SUCLG2: variants seen among roughly 807,000 people sequenced by gnomAD.
SUCLG2 encodes the protein succinate-CoA ligase GDP-forming subunit beta.
Under a neutral mutation model 47.9 loss-of-function variants are expected in SUCLG2, and 42 were observed. The observed-to-expected ratio is 0.88, with a 90% CI of 0.69 to 1.14. The LOEUF (loss-of-function observed/expected upper bound fraction) is 1.14. SUCLG2 is among the 50% of genes most tolerant of loss of function. SUCLG2 has a pLI of 0.00. For synonymous variants in SUCLG2, 195 were observed against 197.3 expected, an observed-to-expected ratio of 0.99 and a Z score of 0.10; for missense variants, 571 against 525.9, an observed-to-expected ratio of 1.09 and a Z score of -0.84.
intron 2 of SUCLG2, among the ~76,000 whole-genome samples, chr3:67,542,047 A>AT (rs1345411756): frequency 6.6e-6 from 1 of 151,540 alleles, no homozygotes; most frequent in Admixed American, 6.6e-5. Flanking sequence ...CTAATTTTGT[A>AT]TTTTTTAGTA....
intron 1 of SUCLG2, among the ~76,000 whole-genome samples, chr3:67,633,466 T>C (rs1365919227): frequency 6.6e-6 from 1 of 152,234 alleles, no homozygotes; most frequent in African/African-American, 2.4e-5. Flanking sequence ...AGAGTTATTA[T>C]ACCCTGACTC....
chr3:67,504,457 G>A (rs932161876), intron 7 of SUCLG2, among the ~76,000 whole-genome samples: 8 of 152,292 alleles, frequency 5.3e-5, no homozygotes, highest in Admixed American at 2.0e-4. Context: ...TAATTCTCAC[G>A]GAATCTTAGC....
chr3:67,408,945 T>C, intron 9 of SUCLG2: 1 of 1,533,462 alleles, frequency 6.5e-7, no homozygotes, highest in Non-Finnish European at 8.7e-7. Flanking sequence ...GAGTTCCAGC[T>C]CCATATTGGT....
At chr3:67,419,016 G>A (rs546183052) in intron 9 of SUCLG2, among the ~76,000 whole-genome samples, 34 of 152,130 alleles carry the variant, frequency 2.2e-4, no homozygotes, top group African/African-American at 7.9e-4. Context: ...ACAATGTTAG[G>A]ATCAGAATAC....
intron 9 of SUCLG2, among the ~76,000 whole-genome samples, chr3:67,402,728 A>G (rs1258535714): frequency 2.6e-5 from 4 of 152,224 alleles, no homozygotes; most frequent in African/African-American, 9.6e-5. Flanking sequence ...CATTCTAGTA[A>G]AACACACATT....
intron 10 of SUCLG2, among the ~76,000 whole-genome samples, chr3:67,367,295 C>G (rs1170248428): frequency 6.6e-6 from 1 of 151,816 alleles, no homozygotes; most frequent in Non-Finnish European, 1.5e-5. Context: ...AATATTTATC[C>G]CCCCAAAAAG....
At chr3:67,612,989 T>C (rs1363884445) in intron 1 of SUCLG2, among the ~76,000 whole-genome samples, 1 of 152,086 alleles carries the variant, frequency 6.6e-6, no homozygotes, top group East Asian at 1.9e-4. Flanking sequence ...ATGGAAGAGG[T>C]GTACATAACA....
intron 7 of SUCLG2, 99 bp from the exon 8 acceptor site, chr3:67,498,394 C>T: frequency 7.8e-7 from 1 of 1,287,184 alleles, no homozygotes; most frequent in Non-Finnish European, 1.1e-6. Context: ...AAGTTAAGTA[C>T]TGTCATTTTT....
chr3:67,587,547 A>G (rs563162149), intron 2 of SUCLG2, among the ~76,000 whole-genome samples: 3 of 152,360 alleles, frequency 2.0e-5, no homozygotes, highest in Non-Finnish European at 2.9e-5. Context: ...AGAAGATGCC[A>G]GAAGGACCCT....
intron 2 of SUCLG2, among the ~76,000 whole-genome samples, chr3:67,533,707 G>A (rs994540967): frequency 6.6e-6 from 1 of 152,046 alleles, no homozygotes; most frequent in Non-Finnish European, 1.5e-5. Flanking sequence ...TTTGCGTTAC[G>A]ACTTCAGAAC....
intron 9 of SUCLG2, among the ~76,000 whole-genome samples, chr3:67,459,887 C>T (rs1159980965): frequency 6.6e-6 from 1 of 152,138 alleles, no homozygotes; most frequent in African/African-American, 2.4e-5. Flanking sequence ...GCTGCTGGAG[C>T]CCCTGCCATT....
intron 6 of SUCLG2, among the ~76,000 whole-genome samples, chr3:67,510,123 A>C (rs1029981445): frequency 5.9e-5 from 9 of 152,198 alleles, no homozygotes; most frequent in African/African-American, 2.2e-4. Context: ...TTCCTGGAGC[A>C]TGTGGTTGGA....
intron 6 of SUCLG2, chr3:67,514,062 A>G: frequency 5.8e-6 from 2 of 347,016 alleles, no homozygotes; most frequent in Admixed American, 7.2e-5. Context: ...CCATAAGAGC[A>G]CAGCTGAAAC....
chr3:67,575,121 A>G (rs1291283583), intron 2 of SUCLG2, among the ~76,000 whole-genome samples: 1 of 152,226 alleles, frequency 6.6e-6, no homozygotes, highest in African/African-American at 2.4e-5. Flanking sequence ...AAAATGGTGT[A>G]GCTACTTTGG....
intron 2 of SUCLG2, among the ~76,000 whole-genome samples, chr3:67,559,143 A>G (rs1707239397): frequency 6.6e-6 from 1 of 152,180 alleles, no homozygotes; most frequent in Non-Finnish European, 1.5e-5. Context: ...TTTTTATTTT[A>G]TGACAAATCC....
At chr3:67,542,356 G>A (rs570876563) in intron 2 of SUCLG2, among the ~76,000 whole-genome samples, 51 of 152,182 alleles carry the variant, frequency 3.4e-4, no homozygotes, top group African/African-American at 1.1e-3. Context: ...GCAAAAACCC[G>A]GAACAGCCAC....
chr3:67,593,439 C>T (rs770742678), intron 2 of SUCLG2, among the ~76,000 whole-genome samples: 22 of 152,012 alleles, frequency 1.4e-4, no homozygotes, highest in Non-Finnish European at 2.6e-4. Context: ...CATATTCAAT[C>T]GGTCTAACAC....
intron 1 of SUCLG2, among the ~76,000 whole-genome samples, chr3:67,627,793 A>G (rs982401464): frequency 1.3e-5 from 2 of 152,204 alleles, no homozygotes; most frequent in Non-Finnish European, 2.9e-5. Flanking sequence ...AGGTGCTACC[A>G]GCACTCCCTG....
chr3:67,475,719 CTTT>C (rs59129055), intron 9 of SUCLG2, among the ~76,000 whole-genome samples: 5,328 of 146,776 alleles, frequency 0.036, 116 homozygotes, highest in East Asian at 0.068. Flanking sequence ...CCTTCCCCTC[CTTT>C]TTTTTTTTTG....
Sources: gnomAD v4.1 joint callset for allele counts (sites outside exome capture counted in the v4.1 genomes callset) on GRCh38, gnomAD v4.1.1 for gene constraint, MANE v1.5 for transcripts, NCBI Gene and HGNC (gene_info 2026-07-23, HGNC 2026-07-21) for gene names.